Variants in CKS2 observed in about 807,000 individuals in gnomAD.
The protein encoded by CKS2 is cyclin-dependent kinases regulatory subunit 2.
A neutral mutation model predicts 14.3 loss-of-function variants in CKS2; 4 were observed. The ratio of observed to expected loss-of-function variants is 0.28; its 90% CI spans 0.14 to 0.64. The LOEUF is 0.64. Among genes scored for constraint, CKS2 ranks in the 30% least tolerant of loss-of-function variants. The pLI, the probability that CKS2 is intolerant of heterozygous loss-of-function variation, is 0.83. For synonymous variants in CKS2, 33 were observed against 28.7 expected, an observed-to-expected ratio of 1.15 and a Z score of -0.48; for missense variants, 71 against 94.3, an observed-to-expected ratio of 0.75 and a Z score of 1.02.
In CKS2 at chr9:89,316,330, T is replaced by C. The variant is rs772713707; in HGVS notation, c.188-43T>C. On this transcript the variant is annotated intron_variant, in intron 2 of 2. Transcript: ENST00000314355. ...TACTTTTGAATTTCTGTTGAGTATA[T>C]GAAAATCATATTAAAATGATTCAAA... is the stretch of plus-strand genomic sequence containing the variant. 2.3e-6 allele frequency: 3 copies of C among 1,279,248 alleles called. No individual in the cohort carries two copies. The East Asian group carries it at 7.0e-5, about 30-fold the overall frequency. 79.2% of individuals were successfully genotyped at this position (1,279,248 alleles called of 1,614,324 possible).
In CKS2 at chr9:89,316,624, G is replaced by C; in HGVS notation, c.*199G>C. On this transcript the variant is annotated 3_prime_UTR_variant, in exon 3 of 3. Coordinates refer to ENST00000314355, the MANE Select transcript of CKS2 (RefSeq NM_001827.3). ...GATGTTTAAGATAAAAGTTCTTCCA[G>C]TCAGTTTTTCTCTTAAGTGCCTGTT... 1 of 415,906 alleles carries C rather than the reference G, an allele frequency of 2.4e-6. No homozygotes were observed. The allele number at this position is 415,906 out of a possible 1,614,324, so 25.8% of individuals were successfully genotyped here.
At chr9:89,315,372 TATC>T (rs1042725776) in intron 2 of CKS2, 75 bp downstream of exon 2, 22 of 1,290,318 alleles carry the variant, frequency 1.7e-5, no homozygotes, top group East Asian at 8.0e-5. Context: ...ATTTTAAAAA[TATC>T]ATTGACATCA....
In CKS2 at chr9:89,315,118, C is replaced by T. The variant is rs369091778; in HGVS notation, c.60-52C>T. ...AGTTCCTTAAGGTACATGTATAAAG[C>T]GACAGTTGTAGAAAAGGCACTGGAC... On this transcript the variant is annotated intron_variant, in intron 1 of 2. Coordinates refer to ENST00000314355, the MANE Select transcript of CKS2 (RefSeq NM_001827.3). 51 of 1,514,266 alleles carry T rather than the reference C, an allele frequency of 3.4e-5. 1 individual carries two copies. Among genetic ancestry groups the T allele is most frequent in the South Asian group, 2.1e-4 (16 of 77,836 alleles). 93.8% of individuals were successfully genotyped at this position (1,514,266 alleles called of 1,614,324 possible).
chr9:89,316,331 G>T (rs377422235), intron 2 of CKS2, 42 bp from the exon 3 acceptor site: 294 of 1,284,802 alleles, frequency 2.3e-4, no homozygotes, highest in Non-Finnish European at 3.2e-4. Flanking sequence ...TTGAGTATAT[G>T]AAAATCATAT....
rs544577930 is a variant in CKS2, at chr9:89,312,600, T to C, written c.59+1249T>C. On this transcript the variant is annotated intron_variant, in intron 1 of 2. Coordinates refer to ENST00000314355, the MANE Select transcript of CKS2 (RefSeq NM_001827.3). ...AAGTCTGTTTTCACATGAGGACTAC[T>C]GAATATTTCTATGGGTAGTAGTAAT... Among the ~76,000 whole-genome samples the C allele has an allele frequency of 1.8e-4, 27 of 152,368 alleles. 1 individual carries two copies. The East Asian group carries it at 5.0e-3, about 28-fold the overall frequency.
intron 1 of CKS2, among the ~76,000 whole-genome samples, chr9:89,311,759 C>T (rs1305541106): frequency 6.6e-6 from 1 of 152,192 alleles, no homozygotes; most frequent in African/African-American, 2.4e-5. Flanking sequence ...TTCTTTGAAC[C>T]AGTCCAGGAA....
chr9:89,313,732 TCAA>T (rs1053109570), intron 1 of CKS2, among the ~76,000 whole-genome samples: 6 of 152,326 alleles, frequency 3.9e-5, no homozygotes, highest in South Asian at 2.1e-4. Flanking sequence ...TTGAGAATAA[TCAA>T]CAAGATAGAA....
At chr9:89,311,622 C>T (rs1398748747) in intron 1 of CKS2, among the ~76,000 whole-genome samples, 2 of 152,314 alleles carry the variant, frequency 1.3e-5, no homozygotes, top group East Asian at 1.9e-4. Flanking sequence ...GCATTTAGTA[C>T]CTGGGTAGGA....
rs893934113 is a variant in CKS2, at chr9:89,311,219, T to A, written c.-74T>A. On this transcript the variant is annotated 5_prime_UTR_variant, in exon 1 of 3. Transcript: ENST00000314355. ...CGTTAGTCTCCGGCGAGTTGTTGCC[T>A]GGGCTGGACGTGGTTTTGTCTGCTG... is the stretch of plus-strand genomic sequence containing the variant. The A allele has an allele frequency of 5.5e-6, 7 of 1,275,124 alleles. No individual in the cohort carries two copies. The highest frequency in any genetic ancestry group is 7.9e-6 in the Non-Finnish European group (7 of 885,654). The allele number at this position is 1,275,124 out of a possible 1,614,324, so 79.0% of individuals were successfully genotyped here.
At chr9:89,311,405 G>C in intron 1 of CKS2, 54 bp downstream of exon 1, 1 of 1,500,180 alleles carries the variant, frequency 6.7e-7, no homozygotes, top group Non-Finnish European at 9.1e-7. Flanking sequence ...GCCCCCGCGG[G>C]CGGGGCGACC....
chr9:89,315,685 A>AT (rs904153842), intron 2 of CKS2, among the ~76,000 whole-genome samples: 4 of 144,856 alleles, frequency 2.8e-5, no homozygotes, highest in African/African-American at 1.0e-4. Context: ...CTCTGAAAGG[A>AT]TATATACCAC....
chr9:89,311,470 C>T (rs1824607108), intron 1 of CKS2, 119 bp downstream of exon 1: 3 of 679,460 alleles, frequency 4.4e-6, no homozygotes, highest in Admixed American at 4.3e-5. Context: ...GAGCCCGGGG[C>T]CGGAGGGCGA....
At chr9:89,315,351 T>C in intron 2 of CKS2, 54 bp downstream of exon 2, 1 of 1,413,514 alleles carries the variant, frequency 7.1e-7, no homozygotes, top group Non-Finnish European at 9.4e-7. Flanking sequence ...TTGGTGGTTA[T>C]GGTTGTCAAA....
At chr9:89,313,913 T>A (rs1360504792) in intron 1 of CKS2, among the ~76,000 whole-genome samples, 1 of 152,226 alleles carries the variant, frequency 6.6e-6, no homozygotes, top group African/African-American at 2.4e-5. Flanking sequence ...CTTAAGGCAA[T>A]CTAACAACAC....
At chr9:89,314,800 A>T (rs1236723018) in intron 1 of CKS2, among the ~76,000 whole-genome samples, 1 of 152,216 alleles carries the variant, frequency 6.6e-6, no homozygotes, top group Non-Finnish European at 1.5e-5. Context: ...AAAAGAGTTC[A>T]GCATGTTCTT....
chr9:89,313,976 C>T (rs1361807485), intron 1 of CKS2, among the ~76,000 whole-genome samples: 2 of 152,162 alleles, frequency 1.3e-5, no homozygotes, highest in Admixed American at 6.5e-5. Flanking sequence ...GGTACTTAAC[C>T]ACAGACTAAA....
rs926367637 is a variant in CKS2 at position 89,311,236 on chromosome 9, T to G, written c.-57T>G. ...TTGTTGCCTGGGCTGGACGTGGTTT[T>G]GTCTGCTGCGCCCGCTCTTCGCGCT... On this transcript the variant is annotated 5_prime_UTR_variant, in exon 1 of 3. Transcript: ENST00000314355. 2.7e-6 allele frequency: 4 copies of G among 1,485,190 alleles called. No individual in the cohort carries two copies. Among genetic ancestry groups the G allele is most frequent in the Non-Finnish European group, 3.7e-6 (4 of 1,069,780 alleles). The allele number at this position is 1,485,190 out of a possible 1,614,324, so 92.0% of individuals were successfully genotyped here.
chr9:89,311,266 T>G lies in CKS2; in HGVS notation c.-27T>G. On this transcript the variant is annotated 5_prime_UTR_variant, in exon 1 of 3. Transcript: ENST00000314355. ...GCTGCGCCCGCTCTTCGCGCTCTCG[T>G]TTCATTTTCTGCAGCGCGCCAGCAG... 2 of 1,605,652 alleles carry G rather than the reference T, an allele frequency of 1.2e-6. No homozygotes were observed. Among genetic ancestry groups the G allele is most frequent in the Non-Finnish European group, 1.7e-6 (2 of 1,175,198 alleles).
At chr9:89,315,679 G>C (rs1242463259) in intron 2 of CKS2, among the ~76,000 whole-genome samples, 2 of 151,662 alleles carry the variant, frequency 1.3e-5, no homozygotes, top group Non-Finnish European at 2.9e-5. Context: ...TCAGCCCTCT[G>C]AAAGGATATA....
Sources: allele counts gnomAD v4.1 joint callset (sites outside exome capture counted in the v4.1 genomes callset), GRCh38; gene constraint gnomAD v4.1.1; transcripts MANE v1.5; gene names NCBI Gene and HGNC (gene_info 2026-07-23, HGNC 2026-07-21).